The following GALNT9 variants were observed in gnomAD, a reference collection of about 807,000 sequenced individuals.
The protein encoded by GALNT9 is polypeptide N-acetylgalactosaminyltransferase 9, also known as GalNAc transferase 9.
Under a neutral mutation model 63.1 loss-of-function variants are expected in GALNT9, and 47 were observed. The observed-to-expected ratio is 0.75, with a 90% CI of 0.59 to 0.95. GALNT9 has a LOEUF of 0.95. Among genes scored for constraint, GALNT9 ranks in the 40% least tolerant of loss-of-function variants. The pLI is 0.00. For synonymous variants in GALNT9, 396 were observed against 365.7 expected (o/e 1.08, Z -0.94); for missense variants, 829 against 874.8 (o/e 0.95, Z 0.66).
At position 132,291,174 on chromosome 12, in the gene GALNT9, A is replaced by G. The variant is rs1434154186; in HGVS notation, c.239-4744T>C. ...CAGCACCCACGTCCACAGCACCCAC[A>G]ACCACAGCACCCACAACCACAGTGC... On this transcript the variant is annotated intron_variant, in intron 1 of 10. Coordinates refer to ENST00000328957, the MANE Select transcript of GALNT9 (RefSeq NM_001122636.2). Among the ~76,000 whole-genome samples, 9 of 38,052 alleles carry G rather than the reference A, an allele frequency of 2.4e-4. 1 individual carries two copies. The highest frequency in any genetic ancestry group is 3.2e-4 in the African/African-American group (2 of 6,230). 25.0% of individuals were successfully genotyped at this position (38,052 alleles called of 152,430 possible).
Position 132,200,987 on chromosome 12 carries a change from C to A in GALNT9, c.1401+137G>T, listed in dbSNP as rs112812874. The A allele has an allele frequency of 2.0e-4, 165 of 838,748 alleles. 4 individuals are homozygous for A. In the South Asian group the frequency reaches 2.8e-3, roughly 14 times the overall value. The allele number at this position is 838,748 out of a possible 1,614,324, so 52.0% of individuals were successfully genotyped here. On this transcript the variant is annotated intron_variant, in intron 8 of 10. Transcript: ENST00000328957. ...AGTCAGGGCGGAAGGCCTGTCGGGC[C>A]GAGTGGGACCCTCTGGGGGAGGCGC... is the stretch of plus-strand genomic sequence containing the variant.
At chr12:132,309,819 G>A (rs1319127700) in intron 1 of GALNT9, among the ~76,000 whole-genome samples, 2 of 152,218 alleles carry the variant, frequency 1.3e-5, no homozygotes, top group Non-Finnish European at 2.9e-5. Flanking sequence ...GGCAGAGAAA[G>A]AGACCATGCC....
chr12:132,298,512 C>T (rs1480657417), intron 1 of GALNT9, among the ~76,000 whole-genome samples: 1 of 151,722 alleles, frequency 6.6e-6, no homozygotes, highest in Non-Finnish European at 1.5e-5. Flanking sequence ...ACTCCCATAA[C>T]TAACCCACTC....
chr12:132,329,238 C>T lies in GALNT9; in HGVS notation c.-35G>A. On this transcript the variant is annotated 5_prime_UTR_variant, in exon 1 of 11. The change abolishes an upstream ATG in the 5' untranslated region. Transcript: ENST00000328957. ...TGCAGCGGGGGCCTCACCCGCGGGG[C>T]ATCCCCAGCATCCCCGCCCGGGCCT... is the stretch of plus-strand genomic sequence containing the variant. 1 of 1,523,262 alleles carries T rather than the reference C, an allele frequency of 6.6e-7. No individual in the cohort carries two copies. Among genetic ancestry groups the T allele is most frequent in the South Asian group, 1.2e-5 (1 of 81,594 alleles). 94.4% of individuals were successfully genotyped at this position (1,523,262 alleles called of 1,614,324 possible).
In GALNT9 at chr12:132,236,579, T is replaced by G. The variant is rs1465496827; in HGVS notation, c.1077+11331A>C. Among the ~76,000 whole-genome samples the G allele has an allele frequency of 6.6e-6, 1 of 152,152 alleles. No homozygotes were observed. The highest frequency in any genetic ancestry group is 1.5e-5 in the Non-Finnish European group (1 of 67,996). ...TCTTTCCTTTCTTCTATCTTTCCTT[T>G]CAAGCTCCAAACTTGCACTTTGATT... On this transcript the variant is annotated intron_variant, in intron 6 of 10. Transcript: ENST00000328957. This position sits in a 1 kb window ranked among gnomAD's most constrained non-coding sequence, Gnocchi z 5.6.
chr12:132,225,487 T>C (rs1462292376), intron 6 of GALNT9, among the ~76,000 whole-genome samples: 1 of 130,948 alleles, frequency 7.6e-6, no homozygotes, highest in Non-Finnish European at 1.6e-5. Flanking sequence ...CCCACACACA[T>C]ACATACCACA....
At chr12:132,322,906 G>A (rs1555246260) in intron 1 of GALNT9, among the ~76,000 whole-genome samples, 2 of 152,202 alleles carry the variant, frequency 1.3e-5, no homozygotes, top group Non-Finnish European at 2.9e-5. Flanking sequence ...GCTGAGTGGC[G>A]GGGCGGCCAT....
chr12:132,240,474 C>T, intron 6 of GALNT9: 1 of 383,512 alleles, frequency 2.6e-6, no homozygotes, highest in African/African-American at 2.1e-5. Flanking sequence ...GCAAGAATAG[C>T]CGTGCCCAGC....
intron 1 of GALNT9, among the ~76,000 whole-genome samples, chr12:132,291,106 G>T (rs1391759190): frequency 3.9e-5 from 2 of 51,338 alleles, no homozygotes; most frequent in African/African-American, 8.2e-5. Flanking sequence ...CACGTCCATA[G>T]CACCCACATC....
chr12:132,274,158 C>G (rs2135552784), intron 2 of GALNT9: 1 of 152,790 alleles, frequency 6.5e-6, no homozygotes, highest in African/African-American at 2.4e-5. Context: ...TCCACACCAG[C>G]CCATGCAATT....
At chr12:132,219,923 TC>T (rs1877384903) in intron 6 of GALNT9, among the ~76,000 whole-genome samples, 1 of 150,850 alleles carries the variant, frequency 6.6e-6, no homozygotes, top group Non-Finnish European at 1.5e-5. Context: ...AAGGGGCACC[TC>T]CCCAGGGTGA....
At chr12:132,210,331 G>C (rs547326437) in intron 6 of GALNT9, among the ~76,000 whole-genome samples, 2 of 152,250 alleles carry the variant, frequency 1.3e-5, no homozygotes, top group Non-Finnish European at 2.9e-5. Context: ...AGGCCGTCCC[G>C]TGAAGTCGGA....
chr12:132,306,291 G>A lies in GALNT9; in HGVS notation c.239-19861C>T, dbSNP rs75573977. On this transcript the variant is annotated intron_variant, in intron 1 of 10. Coordinates refer to ENST00000328957, the MANE Select transcript of GALNT9 (RefSeq NM_001122636.2). ...CCGGGGCGTGGCCTGGACGCCGGAC[G>A]GTCTAAACCATCCCCAGGTGACTCT... is the stretch of plus-strand genomic sequence containing the variant. Among the ~76,000 whole-genome samples, 49 of 152,358 alleles carry A rather than the reference G, an allele frequency of 3.2e-4. No homozygotes were observed. In the East Asian group the frequency reaches 7.5e-3, roughly 23 times the overall value.
rs1309473244 is a variant in GALNT9, at chr12:132,316,790, G to T, written c.238+12176C>A. On this transcript the variant is annotated intron_variant, in intron 1 of 10. Coordinates refer to ENST00000328957, the MANE Select transcript of GALNT9 (RefSeq NM_001122636.2). The surrounding 1 kb of genome is among the most constrained non-coding windows in gnomAD (Gnocchi z 4.3). ...CTCACATGGGGTACTCGGACCCATA[G>T]GGACATTTGGTGAGACCTGGGCAGG... 1.3e-5 allele frequency among the ~76,000 whole-genome samples: 2 copies of T among 152,058 alleles called. No homozygotes were observed. Among genetic ancestry groups the T allele is most frequent in the Non-Finnish European group, 2.9e-5 (2 of 67,994 alleles).
intron 1 of GALNT9, among the ~76,000 whole-genome samples, chr12:132,300,286 C>T (rs1234777174): frequency 7.7e-5 from 11 of 142,098 alleles, no homozygotes; most frequent in South Asian, 2.4e-4. Flanking sequence ...ACCTAACCCA[C>T]CCCTGAGATG....
At position 132,196,875 on chromosome 12, in the gene GALNT9, C is replaced by T; in HGVS notation, c.*232G>A. ...CACGTGTTTGAGTTGGCATCACTGT[C>T]CCCAGACGCCCTCCCTCGGGTAGAG... is the stretch of plus-strand genomic sequence containing the variant. On this transcript the variant is annotated 3_prime_UTR_variant, in exon 11 of 11. Coordinates refer to ENST00000328957, the MANE Select transcript of GALNT9 (RefSeq NM_001122636.2). The T allele has an allele frequency of 7.3e-7, 1 of 1,367,924 alleles. No homozygotes were observed. The highest frequency in any genetic ancestry group is 1.5e-5 in the African/African-American group (1 of 67,816). The allele number at this position is 1,367,924 out of a possible 1,614,324, so 84.7% of individuals were successfully genotyped here.
intron 3 of GALNT9, among the ~76,000 whole-genome samples, chr12:132,261,669 C>T (rs141280352): frequency 4.7e-4 from 71 of 152,346 alleles, no homozygotes; most frequent in Admixed American, 9.1e-4. Flanking sequence ...TGCTGCAGGC[C>T]AGAGCTTGCC....
At chr12:132,202,209 C>T (rs1395164615) in intron 7 of GALNT9, among the ~76,000 whole-genome samples, 2 of 152,258 alleles carry the variant, frequency 1.3e-5, no homozygotes, top group South Asian at 2.1e-4. Flanking sequence ...AGGTGACAGG[C>T]ATTTGCCGGC....
At chr12:132,305,807 G>A (rs890646182) in intron 1 of GALNT9, among the ~76,000 whole-genome samples, 6 of 152,228 alleles carry the variant, frequency 3.9e-5, no homozygotes, top group East Asian at 1.9e-4. Context: ...TGGAGAGCGC[G>A]GCCCGAGTGC....
Sources: gnomAD v4.1 joint callset for allele counts (sites outside exome capture counted in the v4.1 genomes callset) on GRCh38, gnomAD v4.1.1 for gene constraint, Gnocchi (gnomAD v3.1) non-coding constraint, MANE v1.5 for transcripts, NCBI Gene and HGNC (gene_info 2026-07-23, HGNC 2026-07-21) for gene names.